The following GRAMD1B variants were observed in gnomAD, a reference collection of about 807,000 sequenced individuals.
The protein encoded by GRAMD1B is GRAM domain containing 1B, also known as protein Aster-B.
A neutral mutation model predicts 99.7 loss-of-function variants in GRAMD1B; 37 were observed. The observed-to-expected ratio is 0.37, with a 90% CI of 0.29 to 0.49. The LOEUF (loss-of-function observed/expected upper bound fraction) is 0.49. Among genes scored for constraint, GRAMD1B ranks in the 20% least tolerant of loss-of-function variants. The pLI is 0.98. For synonymous variants in GRAMD1B, 427 were observed against 387.6 expected (o/e 1.10, Z -1.19); for missense variants, 888 against 1,009.2 (o/e 0.88, Z 1.63).
chr11:123,599,499 G>T (rs1951690102), intron 7 of GRAMD1B: 3 of 565,634 alleles, frequency 5.3e-6, no homozygotes, highest in South Asian at 1.5e-5. Flanking sequence ...TTGAGGCGCA[G>T]TCTCACTCTG....
At chr11:123,609,755 G>C (rs1359631266) in intron 12 of GRAMD1B, 40 bp from the exon 13 acceptor site, 1 of 1,159,096 alleles carries the variant, frequency 8.6e-7, no homozygotes, top group African/African-American at 1.5e-5. Flanking sequence ...AGAGGGCTCT[G>C]CCCTCCCTTC....
intron 2 of GRAMD1B, among the ~76,000 whole-genome samples, chr11:123,530,434 G>C (rs1041389325): frequency 6.6e-6 from 1 of 152,144 alleles, no homozygotes; most frequent in Non-Finnish European, 1.5e-5. Flanking sequence ...CTGGAGTGAA[G>C]TGGCGAGATC....
chr11:123,419,709 G>A lies in GRAMD1B; in HGVS notation c.-176+60910G>A, dbSNP rs1372383475. 1.7e-4 allele frequency among the ~76,000 whole-genome samples: 13 copies of A among 75,860 alleles called. No homozygotes were observed. The East Asian group carries it at 4.0e-3, about 23-fold the overall frequency. 49.8% of individuals were successfully genotyped at this position (75,860 alleles called of 152,430 possible). On this transcript the variant is annotated intron_variant, in intron 1 of 20. Transcript: ENST00000638157. ...TCGGGGAATTTCTAAGTGTGTGTGT[G>A]TGTGTGTGTGTGTGTGTGTGTGTGT... is the stretch of plus-strand genomic sequence containing the variant.
intron 1 of GRAMD1B, among the ~76,000 whole-genome samples, chr11:123,400,426 G>T (rs947351682): frequency 1.3e-5 from 2 of 152,158 alleles, no homozygotes; most frequent in Non-Finnish European, 2.9e-5. Context: ...GCAGTGAGCC[G>T]AGATCGTGCC....
chr11:123,414,721 T>C (rs1948168987), intron 1 of GRAMD1B, among the ~76,000 whole-genome samples: 1 of 152,200 alleles, frequency 6.6e-6, no homozygotes, highest in African/African-American at 2.4e-5. Context: ...AGAAAGATTT[T>C]GCTGTGTTTT....
intron 2 of GRAMD1B, among the ~76,000 whole-genome samples, chr11:123,574,621 TA>T (rs1948518040): frequency 6.6e-6 from 1 of 152,068 alleles, no homozygotes; most frequent in Non-Finnish European, 1.5e-5. Flanking sequence ...AGAAACCTGG[TA>T]ATGAAACTGC....
At chr11:123,488,369 G>A (rs1192208909) in intron 2 of GRAMD1B, among the ~76,000 whole-genome samples, 1 of 152,148 alleles carries the variant, frequency 6.6e-6, no homozygotes, top group East Asian at 1.9e-4. Context: ...GGCTGTGGAG[G>A]ATGGATACCT....
intron 1 of GRAMD1B, among the ~76,000 whole-genome samples, chr11:123,390,885 C>T (rs988446664): frequency 6.6e-6 from 1 of 152,166 alleles, no homozygotes; most frequent in Non-Finnish European, 1.5e-5. Context: ...CACTTTACTC[C>T]ACCACTCTCT....
intron 1 of GRAMD1B, among the ~76,000 whole-genome samples, chr11:123,394,141 C>A (rs1947375012): frequency 6.6e-6 from 1 of 152,198 alleles, no homozygotes; most frequent in South Asian, 2.1e-4. Context: ...ATGCTATTAG[C>A]AATTACGCAT....
In GRAMD1B at chr11:123,613,480, C is replaced by T. The variant is rs1337592969; in HGVS notation, c.2049C>T (p.Ser683=). The T allele has an allele frequency of 1.2e-6, 2 of 1,612,110 alleles. No homozygotes were observed. Among genetic ancestry groups the T allele is most frequent in the East Asian group, 2.2e-5 (1 of 44,824 alleles). ...AGAGCGAGCTGGCCAAAACGGAGAG[C>T]ACTTATTTGGCTGAGATGCACAGAC... ...HLESELAKTE[S]TYLAEMHRQS... The change falls in exon 16 of 20, where the codon AGC becomes AGT. Residue 683 remains serine (S), a synonymous_variant. Coordinates refer to ENST00000635736, the MANE Select transcript of GRAMD1B (RefSeq NM_001387025.1).
chr11:123,422,421 C>T (rs1369749824), intron 1 of GRAMD1B, among the ~76,000 whole-genome samples: 1 of 152,196 alleles, frequency 6.6e-6, no homozygotes, highest in African/African-American at 2.4e-5. Flanking sequence ...ATTACAGGGA[C>T]CACCAATGAA....
At chr11:123,469,268 C>T (rs989138374) in intron 1 of GRAMD1B, among the ~76,000 whole-genome samples, 1 of 152,038 alleles carries the variant, frequency 6.6e-6, no homozygotes, top group Non-Finnish European at 1.5e-5. Context: ...GATTTTAAGC[C>T]AGGAAGAGAC....
chr11:123,383,800 A>ATG (rs984167383), intron 1 of GRAMD1B, among the ~76,000 whole-genome samples: 6 of 151,278 alleles, frequency 4.0e-5, no homozygotes, highest in African/African-American at 1.5e-4. Context: ...ATATATATAT[A>ATG]TATATATGAA....
chr11:123,497,443 A>G (rs1023043944), intron 2 of GRAMD1B, among the ~76,000 whole-genome samples: 4 of 152,200 alleles, frequency 2.6e-5, no homozygotes, highest in Non-Finnish European at 4.4e-5. Flanking sequence ...TTCACTCAAG[A>G]TCCTAGGGCT....
chr11:123,478,341 G>C (rs190858359), intron 1 of GRAMD1B, among the ~76,000 whole-genome samples: 10 of 152,356 alleles, frequency 6.6e-5, no homozygotes, highest in African/African-American at 2.4e-4. Context: ...CCATTGTCTT[G>C]ATGATGCTTC....
chr11:123,587,394 G>A lies in GRAMD1B; in HGVS notation c.684+3062G>A, dbSNP rs2136409597. Among the ~76,000 whole-genome samples the A allele has an allele frequency of 6.6e-6, 1 of 152,290 alleles. No homozygotes were observed. Among genetic ancestry groups the A allele is most frequent in the Non-Finnish European group, 1.5e-5 (1 of 68,028 alleles). On this transcript the variant is annotated intron_variant, in intron 4 of 19. Transcript: ENST00000635736. This position sits in a 1 kb window ranked among gnomAD's most constrained non-coding sequence, Gnocchi z 4.2. The stretch of plus-strand genomic sequence containing the variant: ...TCTACCACCCCAGTCATATTCATCA[G>A]GGCCTTCAGATCAAGGGAGCTGCCC...
intron 1 of GRAMD1B, among the ~76,000 whole-genome samples, chr11:123,422,746 T>C (rs1349231639): frequency 4.6e-5 from 7 of 152,212 alleles, no homozygotes; most frequent in Admixed American, 4.6e-4. Context: ...GTGGGTCTTC[T>C]GCTGGAAATA....
chr11:123,446,578 T>C (rs1949655632), intron 1 of GRAMD1B, among the ~76,000 whole-genome samples: 1 of 152,216 alleles, frequency 6.6e-6, no homozygotes, highest in Non-Finnish European at 1.5e-5. Context: ...CAGAAAGTTC[T>C]CAGAACACTG....
chr11:123,445,089 T>C (rs888191336), intron 1 of GRAMD1B, among the ~76,000 whole-genome samples: 3 of 152,318 alleles, frequency 2.0e-5, no homozygotes, highest in Admixed American at 1.3e-4. Flanking sequence ...GGACCAAATA[T>C]ATTTCATCTC....
Sources: gnomAD v4.1 joint callset for allele counts (sites outside exome capture counted in the v4.1 genomes callset) on GRCh38, gnomAD v4.1.1 for gene constraint, Gnocchi (gnomAD v3.1) non-coding constraint, MANE v1.5 for transcripts, NCBI Gene and HGNC (gene_info 2026-07-23, HGNC 2026-07-21) for gene names.